The following NEXMIF variants were observed in gnomAD, a reference collection of about 807,000 sequenced individuals.
The protein encoded by NEXMIF is XLMR protein related to neurite extension.
Under a neutral mutation model 62.1 loss-of-function variants are expected in NEXMIF, and 8 were observed. That is an observed-to-expected ratio of 0.13 (90% CI 0.08 to 0.23). NEXMIF has a LOEUF of 0.23. Among genes scored for constraint, NEXMIF ranks in the 10% least tolerant of loss-of-function variants. NEXMIF has a pLI of 1.00. For missense variants in NEXMIF, 976 were observed against 1,113.3 expected, an observed-to-expected ratio of 0.88 and a Z score of 1.75; for synonymous variants, 404 against 416.6, an observed-to-expected ratio of 0.97 and a Z score of 0.37.
In NEXMIF at chrX:74,735,013, G is replaced by A. The variant is rs1257159551; in HGVS notation, c.*4392C>T. On this transcript the variant is annotated 3_prime_UTR_variant, in exon 4 of 4. Transcript: ENST00000055682. Reference sequence around the variant, plus strand: ...CCTACATTGTGTTGACAAGATTCCTGTTTGTTACTAAAAGTTTGATTTTGG... The same window carrying A: ...CCTACATTGTGTTGACAAGATTCCTATTTGTTACTAAAAGTTTGATTTTGG... 2.7e-5 allele frequency: 3 copies of A among 111,745 alleles called. No individual in the cohort carries two copies. Among genetic ancestry groups the A allele is most frequent in the African/African-American group, 9.8e-5 (3 of 30,635 alleles). 9.2% of individuals were successfully genotyped at this position (111,745 alleles called of 1,213,427 possible).
chrX:74,779,920 A>T (rs2080241056), intron 1 of NEXMIF, among the ~76,000 whole-genome samples: 1 of 111,585 alleles, frequency 9.0e-6, no homozygotes, highest in Non-Finnish European at 1.9e-5. Flanking sequence ...GATTCCCTCA[A>T]AAATATTTCA....
At chrX:74,777,069 A>C (rs1463100523) in intron 1 of NEXMIF, among the ~76,000 whole-genome samples, 1 of 111,952 alleles carries the variant, frequency 8.9e-6, no homozygotes, top group African/African-American at 3.2e-5. Context: ...TCTAATGATA[A>C]GGATATTAAC....
chrX:74,851,610 C>T (rs748512660), intron 1 of NEXMIF, among the ~76,000 whole-genome samples: 1 of 110,611 alleles, frequency 9.0e-6, no homozygotes, highest in Non-Finnish European at 1.9e-5. Flanking sequence ...AAATAACTGC[C>T]AGCCAAGGAT....
At chrX:74,825,686 C>T (rs987164910) in intron 1 of NEXMIF, among the ~76,000 whole-genome samples, 1 of 111,651 alleles carries the variant, frequency 9.0e-6, no homozygotes, top group Non-Finnish European at 1.9e-5. Flanking sequence ...TCCCGAGTAG[C>T]TGGGATTACA....
At chrX:74,748,418 A>T (rs1394583285) in intron 1 of NEXMIF, among the ~76,000 whole-genome samples, 1 of 111,907 alleles carries the variant, frequency 8.9e-6, no homozygotes, top group Non-Finnish European at 1.9e-5. Flanking sequence ...TGCTTATAAA[A>T]ATAATTTTGG....
chrX:74,861,858 A>C (rs1479938028), intron 1 of NEXMIF, among the ~76,000 whole-genome samples: 2 of 111,862 alleles, frequency 1.8e-5, no homozygotes, highest in Non-Finnish European at 3.8e-5. Flanking sequence ...CTAAATATGA[A>C]AAGGAAAAAT....
intron 1 of NEXMIF, among the ~76,000 whole-genome samples, chrX:74,897,426 T>C (rs1024517317): frequency 1.8e-5 from 2 of 112,064 alleles, no homozygotes; most frequent in African/African-American, 6.5e-5. Flanking sequence ...AATTCTAATA[T>C]GGGGATAATT....
intron 1 of NEXMIF, among the ~76,000 whole-genome samples, chrX:74,784,755 G>T (rs1224433552): frequency 9.0e-6 from 1 of 110,916 alleles, no homozygotes; most frequent in Non-Finnish European, 1.9e-5. Flanking sequence ...CCAGCTCCTG[G>T]GAACTGAGGT....
intron 1 of NEXMIF, among the ~76,000 whole-genome samples, chrX:74,816,510 TC>T (rs2080376493): frequency 8.9e-6 from 1 of 112,355 alleles, no homozygotes; most frequent in Non-Finnish European, 1.9e-5. Flanking sequence ...ATGAGTTGCT[TC>T]TTTTTTAATT....
chrX:74,899,429 C>G (rs768933225), intron 1 of NEXMIF, among the ~76,000 whole-genome samples: 2 of 111,582 alleles, frequency 1.8e-5, no homozygotes, highest in East Asian at 5.6e-4. Context: ...TTCCTATACA[C>G]TAATAATGGA....
At chrX:74,760,549 T>G (rs1010315397) in intron 1 of NEXMIF, among the ~76,000 whole-genome samples, 1 of 112,007 alleles carries the variant, frequency 8.9e-6, no homozygotes, top group Non-Finnish European at 1.9e-5. Flanking sequence ...CTTATTATTT[T>G]GAAGTATGTT....
At chrX:74,802,539 G>A (rs1159381618) in intron 1 of NEXMIF, among the ~76,000 whole-genome samples, 2 of 110,956 alleles carry the variant, frequency 1.8e-5, no homozygotes, top group Non-Finnish European at 3.8e-5. Flanking sequence ...ATAGAGCTTA[G>A]GTGACAACAC....
At chrX:74,872,931 A>G (rs1157786766) in intron 1 of NEXMIF, among the ~76,000 whole-genome samples, 2 of 109,274 alleles carry the variant, frequency 1.8e-5, no homozygotes, top group African/African-American at 6.6e-5. Context: ...TTATTTTTTT[A>G]TTTTTTATTT....
At chrX:74,781,595 T>C (rs1199969881) in intron 1 of NEXMIF, among the ~76,000 whole-genome samples, 2 of 110,330 alleles carry the variant, frequency 1.8e-5, no homozygotes, top group Admixed American at 1.9e-4. Context: ...GGCCAGTGGT[T>C]TATGTGTATG....
At chrX:74,890,009 CCT>C (rs72396692) in intron 1 of NEXMIF, among the ~76,000 whole-genome samples, 14,109 of 94,395 alleles carry the variant, frequency 0.15, 1,659 homozygotes, top group East Asian at 0.9. Flanking sequence ...TCTCTCTCTC[CCT>C]CTCTCTCTCT....
intron 1 of NEXMIF, among the ~76,000 whole-genome samples, chrX:74,766,548 A>G (rs750311702): frequency 2.7e-5 from 3 of 111,585 alleles, no homozygotes; most frequent in Non-Finnish European, 5.6e-5. Context: ...GCATTGTGAA[A>G]TTCTTGTCTT....
chrX:74,863,207 A>G (rs757781195), intron 1 of NEXMIF, among the ~76,000 whole-genome samples: 21 of 109,962 alleles, frequency 1.9e-4, no homozygotes, highest in East Asian at 8.6e-4. Context: ...GCACCATAGC[A>G]TCACAACTAA....
At chrX:74,903,093 T>C (rs1369028451) in intron 1 of NEXMIF, among the ~76,000 whole-genome samples, 2 of 111,146 alleles carry the variant, frequency 1.8e-5, no homozygotes, top group African/African-American at 6.5e-5. Flanking sequence ...CAGCTGGGAC[T>C]TGTTTCAACA....
At chrX:74,781,775 T>C (rs1008326751) in intron 1 of NEXMIF, among the ~76,000 whole-genome samples, 1 of 97,690 alleles carries the variant, frequency 1.0e-5, no homozygotes, top group Non-Finnish European at 2.2e-5. Flanking sequence ...CAGGATGTGG[T>C]GTAGCTCAGT....
Sources: allele counts gnomAD v4.1 joint callset (sites outside exome capture counted in the v4.1 genomes callset), GRCh38; gene constraint gnomAD v4.1.1; transcripts MANE v1.5; gene names NCBI Gene and HGNC (gene_info 2026-07-23, HGNC 2026-07-21).